GAN: variants seen among roughly 807,000 people sequenced by gnomAD.
The protein encoded by GAN is epididymis secretory sperm binding protein.
A neutral mutation model predicts 71.3 loss-of-function variants in GAN; 48 were observed. That is an observed-to-expected ratio of 0.67 (90% CI 0.53 to 0.86). The LOEUF is 0.86. Among genes scored for constraint, GAN ranks in the 40% least tolerant of loss-of-function variants. The pLI is 0.00. For synonymous variants in GAN, 386 were observed against 276.8 expected, an observed-to-expected ratio of 1.39 and a Z score of -3.92; for missense variants, 928 against 770.1, an observed-to-expected ratio of 1.21 and a Z score of -2.43.
At chr16:81,366,174 C>T (rs190474599) in intron 9 of GAN, among the ~76,000 whole-genome samples, 5 of 152,304 alleles carry the variant, frequency 3.3e-5, no homozygotes, top group African/African-American at 1.2e-4. Flanking sequence ...ATTCCATGCC[C>T]TCCAGACAAG....
intron 5 of GAN, among the ~76,000 whole-genome samples, chr16:81,360,783 A>G (rs534632181): frequency 2.1e-4 from 32 of 151,776 alleles, no homozygotes; most frequent in Admixed American, 1.8e-3. Context: ...TCATCACCCA[A>G]CTTGAAAAAA....
At chr16:81,346,752 C>A (rs1334345421) in intron 1 of GAN, among the ~76,000 whole-genome samples, 1 of 152,130 alleles carries the variant, frequency 6.6e-6, no homozygotes, top group Non-Finnish European at 1.5e-5. Flanking sequence ...CTGGGGAAAA[C>A]TTCAGGGTGT....
Position 81,335,540 on chromosome 16 carries a change from A to G in GAN, c.168-16043A>G, listed in dbSNP as rs189005139. 4.0e-3 allele frequency among the ~76,000 whole-genome samples: 613 copies of G among 152,188 alleles called. 10 individuals are homozygous for G. Among genetic ancestry groups the G allele is most frequent in the Admixed American group, 0.029 (446 of 15,292 alleles). The stretch of plus-strand genomic sequence containing the variant: ...GGTGGGCAGATCAACTGAGGTCAGG[A>G]GTTCGAGACCAGCCTGGCCAATGTG... On this transcript the variant is annotated intron_variant, in intron 1 of 10. Coordinates refer to ENST00000648994, the MANE Select transcript of GAN (RefSeq NM_022041.4).
chr16:81,334,259 G>T (rs917849549), intron 1 of GAN, among the ~76,000 whole-genome samples: 3 of 152,320 alleles, frequency 2.0e-5, no homozygotes, highest in Admixed American at 2.0e-4. Context: ...TGCATAGTTG[G>T]GGGAAGGGAG....
At chr16:81,336,892 A>G (rs1487893113) in intron 1 of GAN, among the ~76,000 whole-genome samples, 1 of 151,866 alleles carries the variant, frequency 6.6e-6, no homozygotes, top group Non-Finnish European at 1.5e-5. Flanking sequence ...AGTATACCAC[A>G]CGAGGGTGGT....
At chr16:81,337,483 G>A (rs142418281) in intron 1 of GAN, among the ~76,000 whole-genome samples, 3 of 152,196 alleles carry the variant, frequency 2.0e-5, no homozygotes, top group Non-Finnish European at 4.4e-5. Context: ...GCCCCATTCA[G>A]TCACGTCTAA....
chr16:81,382,986 A>T lies in GAN; in HGVS notation c.*5390A>T, dbSNP rs558357291. On this transcript the variant is annotated 3_prime_UTR_variant, in exon 11 of 11. Transcript: ENST00000648994. The stretch of plus-strand genomic sequence containing the variant: ...CTTTTTTATTTTATTTTATTTTTTT[A>T]AATTTCTTTTAGAAACTGGGTTTTG... The T allele has an allele frequency of 5.9e-5, 9 of 151,946 alleles. No individual in the cohort carries two copies. The highest frequency in any genetic ancestry group is 1.9e-4 in the African/African-American group (8 of 41,482). 9.4% of individuals were successfully genotyped at this position (151,946 alleles called of 1,614,324 possible). A position where few individuals can be genotyped will look rare whatever the true frequency, so the allele number is the denominator to read the frequency against.
Position 81,388,040 on chromosome 16 carries a change from A to G in GAN, c.*10444A>G, listed in dbSNP as rs1026820801. The stretch of plus-strand genomic sequence containing the variant: ...CTCCCCATGGACACTGCTAGGTGGA[A>G]TCTCTGAGAAAACAGGCACTTCGCA... On this transcript the variant is annotated 3_prime_UTR_variant, in exon 11 of 11. Transcript: ENST00000648994. 3 of 152,164 alleles carry G rather than the reference A, an allele frequency of 2.0e-5. No homozygotes were observed. Among genetic ancestry groups the G allele is most frequent in the Non-Finnish European group, 4.4e-5 (3 of 68,046 alleles). 9.4% of individuals were successfully genotyped at this position (152,164 alleles called of 1,614,324 possible).
chr16:81,377,121 T>C lies in GAN; in HGVS notation c.1503-98T>C, dbSNP rs1263131986. 3.7e-6 allele frequency: 3 copies of C among 811,694 alleles called. No homozygotes were observed. In the African/African-American group the frequency reaches 5.0e-5, roughly 14 times the overall value. 50.3% of individuals were successfully genotyped at this position (811,694 alleles called of 1,614,324 possible). On this transcript the variant is annotated intron_variant, in intron 9 of 10. Coordinates refer to ENST00000648994, the MANE Select transcript of GAN (RefSeq NM_022041.4). ...GGGTCGAGATTGGCACAGTGCCTGA[T>C]ACTGCTGATGACTCACCAAGCTTGC...
intron 1 of GAN, among the ~76,000 whole-genome samples, chr16:81,337,729 T>C (rs944195726): frequency 3.9e-5 from 6 of 152,244 alleles, no homozygotes; most frequent in African/African-American, 1.4e-4. Context: ...TTATGTCCTT[T>C]TTTCCATATT....
intron 2 of GAN, 78 bp downstream of exon 2, chr16:81,351,775 A>G: frequency 1.3e-6 from 1 of 787,294 alleles, no homozygotes. Context: ...TTCATCCATT[A>G]TATGACAAAG....
intron 2 of GAN, among the ~76,000 whole-genome samples, chr16:81,353,348 A>T (rs1424601411): frequency 2.0e-5 from 3 of 151,360 alleles, no homozygotes; most frequent in Non-Finnish European, 4.4e-5. Context: ...CTGAATTGGC[A>T]GTTTTGTTTT....
At position 81,378,702 on chromosome 16, in the gene GAN, A is replaced by G. The variant is rs1904290620; in HGVS notation, c.*1106A>G. 2 of 152,762 alleles carry G rather than the reference A, an allele frequency of 1.3e-5. No homozygotes were observed. Among genetic ancestry groups the G allele is most frequent in the South Asian group, 4.1e-4 (2 of 4,826 alleles). The allele number at this position is 152,762 out of a possible 1,614,324, so 9.5% of individuals were successfully genotyped here. On this transcript the variant is annotated 3_prime_UTR_variant, in exon 11 of 11. Coordinates refer to ENST00000648994, the MANE Select transcript of GAN (RefSeq NM_022041.4). ...CACTAGTGAGAGTTTTAGACAAATT[A>G]TGTTACGAGTAAAGTTTGGCTGGTA...
intron 1 of GAN, among the ~76,000 whole-genome samples, chr16:81,350,750 C>G (rs140459213): frequency 6.6e-6 from 1 of 152,142 alleles, no homozygotes; most frequent in African/African-American, 2.4e-5. Context: ...AACTCCTGGC[C>G]TCAAGTGAGC....
intron 9 of GAN, among the ~76,000 whole-genome samples, chr16:81,373,867 C>T (rs772725480): frequency 1.3e-5 from 2 of 152,208 alleles, no homozygotes; most frequent in African/African-American, 4.8e-5. Context: ...CTCAGCCTCC[C>T]AAGTAGCTGG....
chr16:81,321,070 A>T (rs1489777927), intron 1 of GAN, among the ~76,000 whole-genome samples: 1 of 152,184 alleles, frequency 6.6e-6, no homozygotes, highest in Non-Finnish European at 1.5e-5. Flanking sequence ...TGTAAATTTC[A>T]ATTTAACACA....
chr16:81,339,751 A>T (rs1909880447), intron 1 of GAN, among the ~76,000 whole-genome samples: 1 of 152,176 alleles, frequency 6.6e-6, no homozygotes, highest in Non-Finnish European at 1.5e-5. Flanking sequence ...TCTAGGAAAA[A>T]TCTGTAGAAC....
chr16:81,335,510 A>T (rs1209800164), intron 1 of GAN, among the ~76,000 whole-genome samples: 2 of 151,972 alleles, frequency 1.3e-5, no homozygotes, highest in Middle Eastern at 3.2e-3. Flanking sequence ...ACTTTGGGAG[A>T]CCAAGGTGGG....
In GAN at chr16:81,388,854, C is replaced by G. The variant is rs1025821501; in HGVS notation, c.*11258C>G. ...GATCGGAAACTAGAACTGCTTGTTT[C>G]CAGGAGAGACCACCTTTTCATATTT... On this transcript the variant is annotated 3_prime_UTR_variant, in exon 11 of 11. Transcript: ENST00000648994. The G allele has an allele frequency of 2.0e-5, 3 of 152,232 alleles. No individual in the cohort carries two copies. The highest frequency in any genetic ancestry group is 2.9e-5 in the Non-Finnish European group (2 of 68,034). 9.4% of individuals were successfully genotyped at this position (152,232 alleles called of 1,614,324 possible). A position where few individuals can be genotyped will look rare whatever the true frequency, so the allele number is the denominator to read the frequency against.
Sources: gnomAD v4.1 joint callset for allele counts (sites outside exome capture counted in the v4.1 genomes callset) on GRCh38, gnomAD v4.1.1 for gene constraint, MANE v1.5 for transcripts, NCBI Gene and HGNC (gene_info 2026-07-23, HGNC 2026-07-21) for gene names.